The following PDE1A variants were observed in gnomAD, a reference collection of about 807,000 sequenced individuals.
The protein encoded by PDE1A is dual specificity calcium/calmodulin-dependent 3',5'-cyclic nucleotide phosphodiesterase 1A.
A neutral mutation model predicts 61.7 loss-of-function variants in PDE1A; 35 were observed. The ratio of observed to expected loss-of-function variants is 0.57; its 90% CI spans 0.43 to 0.75. The LOEUF is 0.75. Among genes scored for constraint, PDE1A ranks in the 30% least tolerant of loss-of-function variants. PDE1A has a pLI of 0.00. For synonymous variants in PDE1A, 232 were observed against 213.2 expected (o/e 1.09, Z -0.77); for missense variants, 597 against 630.6 (o/e 0.95, Z 0.57).
At chr2:182,526,321 G>T (rs973289369), upstream of PDE1A, among the ~76,000 whole-genome samples, 3 of 151,962 alleles carry the variant, frequency 2.0e-5, no homozygotes, top group East Asian at 1.9e-4. Context: ...AATGAACAGG[G>T]ACAAAAAAAT....
the PDE1A span, among the ~76,000 whole-genome samples, chr2:182,537,658 G>A: frequency 2.0e-5 from 3 of 151,894 alleles, no homozygotes; most frequent in Non-Finnish European, 2.9e-5. Context: ...AAAAAGAAAT[G>A]AAAATGAACA....
At chr2:182,708,328 CATAACA>C in the PDE1A span, among the ~76,000 whole-genome samples, 1 of 151,968 alleles carries the variant, frequency 6.6e-6, no homozygotes, top group Non-Finnish European at 1.5e-5. Flanking sequence ...ACAGCCAAAC[CATAACA>C]ATAAGTTATT....
At chr2:182,587,561 C>T in the PDE1A span, among the ~76,000 whole-genome samples, 1 of 152,144 alleles carries the variant, frequency 6.6e-6, no homozygotes, top group Admixed American at 6.5e-5. Flanking sequence ...AAGTGGGGTA[C>T]CAACTTTTCT....
chr2:182,178,061 CAG>C (rs1271093897), intron 13 of PDE1A, among the ~76,000 whole-genome samples: 1 of 152,120 alleles, frequency 6.6e-6, no homozygotes, highest in Non-Finnish European at 1.5e-5. Flanking sequence ...TGAGCTGATA[CAG>C]TGAATCATTA....
the PDE1A span, among the ~76,000 whole-genome samples, chr2:182,671,202 C>T: frequency 1.3e-5 from 2 of 148,272 alleles, no homozygotes; most frequent in East Asian, 2.0e-4. Flanking sequence ...ACGGTGTTCT[C>T]GCTCTGTCGC....
At chr2:182,427,010 T>G in exon 1 of PDE1A, 1 of 997,786 alleles carries the variant, frequency 1.0e-6, no homozygotes, top group Non-Finnish European at 1.2e-6. Context: ...AGAGCTCTCC[T>G]TCCACATGCT....
intron 1 of PDE1A, among the ~76,000 whole-genome samples, chr2:182,336,483 C>CTG (rs1284500802): frequency 3.6e-4 from 55 of 152,200 alleles, no homozygotes; most frequent in Non-Finnish European, 6.3e-4. Context: ...ATGGATGAAG[C>CTG]TGAACACCAT....
intron 13 of PDE1A, among the ~76,000 whole-genome samples, chr2:182,182,392 T>C (rs906531894): frequency 4.6e-5 from 7 of 152,148 alleles, no homozygotes; most frequent in Admixed American, 4.6e-4. Context: ...ACTGCCACAA[T>C]CTTTACATAT....
At chr2:182,658,466 A>G in the PDE1A span, among the ~76,000 whole-genome samples, 1 of 152,232 alleles carries the variant, frequency 6.6e-6, no homozygotes, top group African/African-American at 2.4e-5. Context: ...TATATGTGCG[A>G]AGATGCTGTT....
chr2:182,364,485 A>AAAAAAC (rs1168068841), intron 1 of PDE1A, among the ~76,000 whole-genome samples: 3 of 146,600 alleles, frequency 2.0e-5, no homozygotes, highest in African/African-American at 5.1e-5. Context: ...AAAAAAAAAA[A>AAAAAAC]AAAAAAAAAA....
chr2:182,300,067 C>T (rs1345339880), intron 1 of PDE1A, among the ~76,000 whole-genome samples: 1 of 152,092 alleles, frequency 6.6e-6, no homozygotes, highest in African/African-American at 2.4e-5. Context: ...GTCCTATATG[C>T]CCCAAGGTAA....
At chr2:182,688,326 T>C in the PDE1A span, among the ~76,000 whole-genome samples, 10 of 152,134 alleles carry the variant, frequency 6.6e-5, no homozygotes, top group South Asian at 2.1e-4. Context: ...TAACAGCTGA[T>C]CTCTCGGCAG....
chr2:182,633,629 C>T, the PDE1A span, among the ~76,000 whole-genome samples: 3 of 152,162 alleles, frequency 2.0e-5, no homozygotes, highest in South Asian at 2.1e-4. Flanking sequence ...GGACCCACGG[C>T]GTTCTCATTT....
intron 1 of PDE1A, among the ~76,000 whole-genome samples, chr2:182,387,120 C>G (rs1288188148): frequency 6.6e-6 from 1 of 152,142 alleles, no homozygotes; most frequent in Non-Finnish European, 1.5e-5. Context: ...GACCTTACCC[C>G]CAACCCTGTG....
chr2:182,702,352 C>A, the PDE1A span, among the ~76,000 whole-genome samples: 1 of 152,198 alleles, frequency 6.6e-6, no homozygotes, highest in African/African-American at 2.4e-5. Flanking sequence ...ATCCACCCAC[C>A]TCGGCCTCCC....
At chr2:182,319,800 T>A (rs1368576733) in intron 1 of PDE1A, among the ~76,000 whole-genome samples, 1 of 152,212 alleles carries the variant, frequency 6.6e-6, no homozygotes, top group African/African-American at 2.4e-5. Context: ...TAAATAAAGA[T>A]GATACACATT....
intron 1 of PDE1A, among the ~76,000 whole-genome samples, chr2:182,398,554 A>G (rs1431019411): frequency 6.6e-6 from 1 of 152,044 alleles, no homozygotes; most frequent in Non-Finnish European, 1.5e-5. Flanking sequence ...CTTATAAAAT[A>G]TATGACCTTA....
At chr2:182,315,143 A>G (rs980378877) in intron 1 of PDE1A, among the ~76,000 whole-genome samples, 1 of 152,188 alleles carries the variant, frequency 6.6e-6, no homozygotes, top group Non-Finnish European at 1.5e-5. Context: ...TAAATTGTAA[A>G]ACTATTAATA....
intron 5 of PDE1A, among the ~76,000 whole-genome samples, chr2:182,230,401 T>C (rs889912507): frequency 1.3e-5 from 2 of 152,216 alleles, no homozygotes; most frequent in African/African-American, 2.4e-5. Flanking sequence ...CTTGAAATTT[T>C]AGTATCTTCC....
Sources: allele counts gnomAD v4.1 joint callset (sites outside exome capture counted in the v4.1 genomes callset), GRCh38; gene constraint gnomAD v4.1.1; transcripts MANE v1.5; gene names NCBI Gene and HGNC (gene_info 2026-07-23, HGNC 2026-07-21).